The following LMF1 variants were observed in gnomAD, a reference collection of about 807,000 sequenced individuals.
LMF1 encodes lipase maturation factor 1, also known as transmembrane protein 112.
LMF1 carries 68 observed loss-of-function variants against 60.6 expected under a neutral mutation model. The ratio of observed to expected loss-of-function variants is 1.12; its 90% CI spans 0.92 to 1.37. The LOEUF is 1.37. Among genes scored for constraint, LMF1 ranks in the 40% most tolerant of loss-of-function variants. The pLI is 0.00. For synonymous variants in LMF1, 418 were observed against 324.7 expected, an observed-to-expected ratio of 1.29 and a Z score of -3.09; for missense variants, 948 against 767.2, an observed-to-expected ratio of 1.24 and a Z score of -2.78.
rs753452320 is a variant in LMF1, at chr16:853,908, G to A, written c.*624C>T. Reference sequence around the variant, plus strand: ...GGATGAAACCGGGCCAAGAACACATGTGTGCACAGGCTGTGTGTGCCTGCA... The same window carrying A: ...GGATGAAACCGGGCCAAGAACACATATGTGCACAGGCTGTGTGTGCCTGCA... On this transcript the variant is annotated 3_prime_UTR_variant, in exon 11 of 11. Coordinates refer to ENST00000262301, the MANE Select transcript of LMF1 (RefSeq NM_022773.4). 2 of 453,814 alleles carry A rather than the reference G, an allele frequency of 4.4e-6. No homozygotes were observed. Among genetic ancestry groups the A allele is most frequent in the East Asian group, 7.0e-5 (1 of 14,352 alleles). 28.1% of individuals were successfully genotyped at this position (453,814 alleles called of 1,614,324 possible).
chr16:910,943 G>C lies in LMF1; in HGVS notation c.651C>G (p.Ile217Met). ...GAGCTCCACTTACTGCTCCAAGCAT[G>C]ATCCTGAAGATCAGCCACCGGAAGC... The part of the protein sequence containing the change: ...LWGFRWLIFR[I>M]MLGAGLIKIR... Residue 217 changes from isoleucine to methionine, a missense_variant, in exon 4 of 11, where the codon ATC becomes ATG. Physicochemically the swap from Ile to Met is conservative, Grantham distance 10. Transcript: ENST00000262301. 6.2e-7 allele frequency: 1 copy of C among 1,612,896 alleles called. No homozygotes were observed. The highest frequency in any genetic ancestry group is 8.5e-7 in the Non-Finnish European group (1 of 1,179,868).
intron 2 of LMF1, among the ~76,000 whole-genome samples, chr16:935,463 A>C (rs2071912777): frequency 6.6e-6 from 1 of 151,682 alleles, no homozygotes; most frequent in South Asian, 2.1e-4. Context: ...ACTTTATGTC[A>C]GGGTTGTCGG....
intron 10 of LMF1, among the ~76,000 whole-genome samples, chr16:857,222 T>A (rs1482223342): frequency 1.3e-5 from 2 of 152,244 alleles, no homozygotes; most frequent in Admixed American, 1.3e-4. Context: ...GCCGTAAACC[T>A]CTGCACGGGT....
intron 4 of LMF1, chr16:903,948 G>C (rs1473603489): frequency 7.0e-6 from 1 of 142,814 alleles, no homozygotes; most frequent in African/African-American, 4.6e-5. Context: ...CAGGACGCCT[G>C]TCTCTGCTGT....
rs2070104391 is a variant in LMF1 at position 879,660 on chromosome 16, G to A, written c.807C>T (p.Ser269=). 1 of 1,612,378 alleles carries A rather than the reference G, an allele frequency of 6.2e-7. No homozygotes were observed. The highest frequency in any genetic ancestry group is 1.7e-5 in the Admixed American group (1 of 59,782). The part of the protein sequence containing the change: ...PWWFHRFETL[S]NHFIELLVPF... ...GCACCAGGAGCTCGATGAAGTGGTT[G>A]CTGAGCGTCTCGAAGCGATGGAACC... The change falls in exon 6 of 11, where the codon AGC becomes AGT. Residue 269 remains serine (S), a synonymous_variant. Transcript: ENST00000262301.
At chr16:864,459 CTG>C (rs1273376998) in intron 10 of LMF1, among the ~76,000 whole-genome samples, 2 of 152,164 alleles carry the variant, frequency 1.3e-5, no homozygotes, top group Admixed American at 6.5e-5. Flanking sequence ...ATATTCAACA[CTG>C]TATTACAAAA....
chr16:953,216 C>G (rs530892484), intron 2 of LMF1, among the ~76,000 whole-genome samples: 8 of 104,678 alleles, frequency 7.6e-5, no homozygotes, highest in South Asian at 3.4e-4. Flanking sequence ...CACAGACACC[C>G]ACCCCAAACC....
intron 4 of LMF1, chr16:900,834 G>A (rs376563341): frequency 6.6e-6 from 1 of 152,128 alleles, no homozygotes; most frequent in Admixed American, 6.6e-5. Flanking sequence ...GGGATTACAG[G>A]TGTGAGCCAC....
At position 970,327 on chromosome 16, in the gene LMF1, C is replaced by T. The variant is rs960713157; in HGVS notation, c.193+461G>A. On this transcript the variant is annotated intron_variant, in intron 1 of 10. Transcript: ENST00000262301. ...ACAGTGGGAACCTTCACCGTCAGCA[C>T]AGCGCTGTGTCGGGGACAGCAGGAG... Among the ~76,000 whole-genome samples, 3 of 152,208 alleles carry T rather than the reference C, an allele frequency of 2.0e-5. 1 individual carries two copies. Among genetic ancestry groups the T allele is most frequent in the African/African-American group, 7.2e-5 (3 of 41,468 alleles).
intron 3 of LMF1, among the ~76,000 whole-genome samples, chr16:928,974 A>T (rs1016830023): frequency 6.6e-6 from 1 of 152,216 alleles, no homozygotes; most frequent in Non-Finnish European, 1.5e-5. Context: ...AAAGTGGCCC[A>T]GGAGCTGAGC....
At chr16:934,011 T>G in intron 3 of LMF1, 1 of 1,490,048 alleles carries the variant, frequency 6.7e-7, no homozygotes, top group African/African-American at 1.4e-5. Flanking sequence ...CCGACAATCA[T>G]GCGTGCGACC....
At chr16:975,278 G>C (rs76912374), upstream of LMF1, among the ~76,000 whole-genome samples, 1 of 152,282 alleles carries the variant, frequency 6.6e-6, no homozygotes, top group East Asian at 1.9e-4. Context: ...CAATGTGGTG[G>C]TGTTCTCCGG....
intron 2 of LMF1, among the ~76,000 whole-genome samples, chr16:936,994 T>A (rs1191596392): frequency 1.3e-5 from 2 of 152,110 alleles, no homozygotes; most frequent in African/African-American, 4.8e-5. Context: ...CTCACGCTTT[T>A]ATCAGAAGGG....
chr16:900,681 A>ATGTGTGTGTGTGTGTG (rs139778716), intron 4 of LMF1: 81 of 90,852 alleles, frequency 8.9e-4, no homozygotes, highest in Non-Finnish European at 1.4e-3. Context: ...GCTAATTTTT[A>ATGTGTGTGTGTGTGTG]TGTGTGTGTG....
intron 3 of LMF1, among the ~76,000 whole-genome samples, chr16:911,950 C>T (rs998428165): frequency 2.0e-5 from 3 of 152,148 alleles, no homozygotes; most frequent in African/African-American, 4.8e-5. Context: ...CATAAGAATG[C>T]GGATGCGGGT....
chr16:882,064 G>A (rs544947497), intron 5 of LMF1, among the ~76,000 whole-genome samples: 1 of 152,330 alleles, frequency 6.6e-6, no homozygotes, highest in Non-Finnish European at 1.5e-5. Flanking sequence ...ATTGCCACGG[G>A]CTCTCAGAAC....
intron 10 of LMF1, 51 bp from the exon 11 acceptor site, chr16:854,757 G>C (rs2069142882): frequency 1.3e-6 from 2 of 1,497,200 alleles, no homozygotes; most frequent in Non-Finnish European, 1.8e-6. Context: ...CCCGGCCCCC[G>C]ACCCGGCTCC....
chr16:901,460 C>T (rs2070809851), intron 4 of LMF1: 1 of 152,242 alleles, frequency 6.6e-6, no homozygotes, highest in South Asian at 2.1e-4. Context: ...TCTGTCCTCA[C>T]AAAACCAGGA....
chr16:884,591 C>G (rs2070253333), intron 5 of LMF1, among the ~76,000 whole-genome samples: 1 of 151,734 alleles, frequency 6.6e-6, no homozygotes, highest in Non-Finnish European at 1.5e-5. Flanking sequence ...CAGATGGAAA[C>G]CTGGATCTCC....
Sources: allele counts gnomAD v4.1 joint callset (sites outside exome capture counted in the v4.1 genomes callset), GRCh38; gene constraint gnomAD v4.1.1; transcripts MANE v1.5; gene names NCBI Gene and HGNC (gene_info 2026-07-23, HGNC 2026-07-21).